RANBP17: variants seen among roughly 807,000 people sequenced by gnomAD.
RANBP17 encodes the protein RAN binding protein 17.
RANBP17 carries 158 observed loss-of-function variants against 141.2 expected under a neutral mutation model. The observed-to-expected ratio is 1.12, with a 90% CI of 0.98 to 1.28. The LOEUF is 1.28. Among genes scored for constraint, RANBP17 ranks in the 50% most tolerant of loss-of-function variants. The pLI is 0.00. For missense variants in RANBP17, 1,438 were observed against 1,290.7 expected, an observed-to-expected ratio of 1.11 and a Z score of -1.75; for synonymous variants, 430 against 450.0, an observed-to-expected ratio of 0.96 and a Z score of 0.56.
At chr5:171,126,722 A>C (rs1466541740) in intron 14 of RANBP17, among the ~76,000 whole-genome samples, 1 of 152,182 alleles carries the variant, frequency 6.6e-6, no homozygotes, top group African/African-American at 2.4e-5. Flanking sequence ...GAAAGCCTAG[A>C]CAAAATTGGA....
At chr5:171,276,074 A>G (rs2914341) in intron 25 of RANBP17, among the ~76,000 whole-genome samples, 128,265 of 152,226 alleles carry the variant, frequency 0.84, 54,066 homozygotes, top group Middle Eastern at 0.95. Flanking sequence ...CACAGCAGCC[A>G]TAATTTCTGT....
At chr5:170,992,760 A>T (rs543943960) in intron 14 of RANBP17, among the ~76,000 whole-genome samples, 1 of 151,960 alleles carries the variant, frequency 6.6e-6, no homozygotes, top group African/African-American at 2.4e-5. Flanking sequence ...TAAGATTTTT[A>T]TGTATATCAA....
rs764952588 is a variant in RANBP17 at position 170,892,550 on chromosome 5, C to G, written c.420C>G (p.Leu140=). 1 of 1,612,766 alleles carries G rather than the reference C, an allele frequency of 6.2e-7. No homozygotes were observed. The highest frequency in any genetic ancestry group is 2.2e-5 in the East Asian group (1 of 44,822). The stretch of plus-strand genomic sequence containing the variant: ...TTATTGCTGATGTGAAGAAGTTTCT[C>G]CAGGTAAGAAGTCATTGCTACATGG... ...REIIADVKKF[L]QGTVEHCIIG... Residue 140 remains leucine (L), a synonymous_variant, in exon 4 of 28, where the codon CTC becomes CTG. Transcript: ENST00000523189.
chr5:171,060,605 G>A (rs1783757706), intron 14 of RANBP17, among the ~76,000 whole-genome samples: 1 of 152,150 alleles, frequency 6.6e-6, no homozygotes, highest in Admixed American at 6.5e-5. Context: ...GTTCATCAAG[G>A]ATATTGGTCT....
At chr5:171,279,646 G>T (rs1238311420) in intron 25 of RANBP17, among the ~76,000 whole-genome samples, 1 of 152,052 alleles carries the variant, frequency 6.6e-6, no homozygotes, top group African/African-American at 2.4e-5. Context: ...TTCATATAAT[G>T]TCTTCATACC....
At chr5:170,966,579 C>G (rs1272587924) in intron 13 of RANBP17, among the ~76,000 whole-genome samples, 1 of 152,004 alleles carries the variant, frequency 6.6e-6, no homozygotes, top group Admixed American at 6.6e-5. Context: ...AAACCCACAG[C>G]CAATATCATA....
At chr5:170,957,018 C>T (rs1035934417) in intron 13 of RANBP17, among the ~76,000 whole-genome samples, 6 of 150,504 alleles carry the variant, frequency 4.0e-5, no homozygotes, top group African/African-American at 9.8e-5. Context: ...TGCAGTGAGC[C>T]GAGATCGTGC....
At chr5:171,245,577 G>T (rs1416291103) in intron 24 of RANBP17, among the ~76,000 whole-genome samples, 5 of 151,916 alleles carry the variant, frequency 3.3e-5, no homozygotes. Context: ...GCCTCCCAAA[G>T]TGCTGGGATT....
chr5:171,066,217 A>G (rs1253282256), intron 14 of RANBP17, among the ~76,000 whole-genome samples: 2 of 152,068 alleles, frequency 1.3e-5, no homozygotes, highest in African/African-American at 2.4e-5. Context: ...CAAGCATGCA[A>G]TACATGGTTA....
Position 171,242,802 on chromosome 5 carries a change from G to A in RANBP17, c.2758G>A (p.Glu920Lys), listed in dbSNP as rs146643977. 4.3e-6 allele frequency: 7 copies of A among 1,613,602 alleles called. No homozygotes were observed. The highest frequency in any genetic ancestry group is 4.0e-5 in the African/African-American group (3 of 74,852). ...VLMYVLTSIS[E>K]GLTTLDTVVS... ...CATGTATGTTCTCACATCTATCTCA[G>A]AGGGACTCACTACTCTTGGTAAGGA... Residue 920 changes from glutamate (E) to lysine (K), a missense_variant, in exon 24 of 28, where the codon GAG becomes AAG. Coordinates refer to ENST00000523189, the MANE Select transcript of RANBP17 (RefSeq NM_022897.5).
At chr5:170,864,589 AGGG>A (rs1767084778) in intron 1 of RANBP17, among the ~76,000 whole-genome samples, 2 of 152,162 alleles carry the variant, frequency 1.3e-5, no homozygotes, top group African/African-American at 4.8e-5. Context: ...AATCCAGATA[AGGG>A]GGCAGAGTGA....
At chr5:171,058,268 A>C (rs1213116348) in intron 14 of RANBP17, among the ~76,000 whole-genome samples, 1 of 149,270 alleles carries the variant, frequency 6.7e-6, no homozygotes, top group South Asian at 2.2e-4. Context: ...CCATTAACTC[A>C]TCATTTAGCA....
intron 14 of RANBP17, among the ~76,000 whole-genome samples, chr5:171,056,666 G>A (rs912820546): frequency 4.0e-5 from 6 of 151,888 alleles, no homozygotes; most frequent in Non-Finnish European, 8.8e-5. Context: ...GGACTTTAGG[G>A]GACCTAATAT....
intron 12 of RANBP17, among the ~76,000 whole-genome samples, chr5:170,937,725 C>G (rs1305645342): frequency 3.9e-5 from 6 of 152,146 alleles, no homozygotes; most frequent in African/African-American, 1.4e-4. Flanking sequence ...TTTGTTTTGA[C>G]TGATGACACA....
Position 170,936,876 on chromosome 5 carries a change from A to G in RANBP17, c.1468+12326A>G, listed in dbSNP as rs149798945. On this transcript the variant is annotated intron_variant, in intron 12 of 27. Transcript: ENST00000523189. ...CCTTAAATTTTTGTATCATGTAAAC[A>G]TTTGTGATTGTTATGTCTTCCTTAT... is the stretch of plus-strand genomic sequence containing the variant. 9.8e-5 allele frequency among the ~76,000 whole-genome samples: 15 copies of G among 152,312 alleles called. No homozygotes were observed. The East Asian group carries it at 2.9e-3, about 29-fold the overall frequency.
chr5:171,218,889 G>C (rs1042325066), intron 21 of RANBP17, among the ~76,000 whole-genome samples: 2 of 152,084 alleles, frequency 1.3e-5, no homozygotes, highest in African/African-American at 4.8e-5. Context: ...GGGGCATTCA[G>C]CTCATTTACA....
At chr5:171,096,858 G>C (rs1379816916) in intron 14 of RANBP17, among the ~76,000 whole-genome samples, 2 of 152,072 alleles carry the variant, frequency 1.3e-5, no homozygotes, top group Non-Finnish European at 2.9e-5. Context: ...TGTGAAGAAG[G>C]GGTGGAGGGA....
chr5:171,019,698 T>G (rs1482118357), intron 14 of RANBP17, among the ~76,000 whole-genome samples: 1 of 152,152 alleles, frequency 6.6e-6, no homozygotes, highest in Non-Finnish European at 1.5e-5. Context: ...GTTAATTTTT[T>G]TTTTTAAACC....
intron 14 of RANBP17, among the ~76,000 whole-genome samples, chr5:171,030,276 G>A (rs779748456): frequency 2.0e-5 from 3 of 152,032 alleles, no homozygotes; most frequent in Non-Finnish European, 4.4e-5. Context: ...TGGCTGGAAA[G>A]GCAACTTTTT....
Sources: allele counts gnomAD v4.1 joint callset (sites outside exome capture counted in the v4.1 genomes callset), GRCh38; gene constraint gnomAD v4.1.1; transcripts MANE v1.5; gene names NCBI Gene and HGNC (gene_info 2026-07-23, HGNC 2026-07-21).